BATF: variants seen among roughly 807,000 people sequenced by gnomAD.
BATF encodes the protein basic leucine zipper ATF-like transcription factor, also known as basic leucine zipper transcriptional factor ATF-like.
In BATF, 5 loss-of-function variants were observed where a neutral mutation model predicts 13.7. That is an observed-to-expected ratio of 0.36 (90% CI 0.19 to 0.77). The LOEUF (loss-of-function observed/expected upper bound fraction) is 0.77, where lower values mean the gene tolerates loss of function less well. BATF is among the 30% of genes least tolerant of loss of function. The probability of loss-of-function intolerance (pLI) is 0.51; values close to 1 mark genes in which losing one functional copy is unlikely to be tolerated. For synonymous variants in BATF, 72 were observed against 67.5 expected, an observed-to-expected ratio of 1.07 and a Z score of -0.33; for missense variants, 124 against 163.0, an observed-to-expected ratio of 0.76 and a Z score of 1.30.
intron 2 of BATF, 59 bp from the exon 3 acceptor site, chr14:75,546,403 C>T (rs1473961321): frequency 1.3e-5 from 21 of 1,579,636 alleles, no homozygotes; most frequent in Middle Eastern, 1.7e-4. Flanking sequence ...CCTCCGCACC[C>T]CACCCACCTT....
At position 75,541,143 on chromosome 14, in the gene BATF, A is replaced by T. The variant is rs183602705; in HGVS notation, c.169-5319A>T. Among the ~76,000 whole-genome samples, 754 of 152,250 alleles carry T rather than the reference A, an allele frequency of 5.0e-3. 4 individuals carry two copies. The highest frequency in any genetic ancestry group is 0.015 in the African/African-American group (626 of 41,548). On this transcript the variant is annotated intron_variant, in intron 2 of 2. Transcript: ENST00000286639. ...TAAGTTAACCTAGGCTATTTTTTTA[A>T]AAAAATTTTGGTTTCTATCCACCTT...
At chr14:75,535,876 C>G (rs1887809085) in intron 2 of BATF, among the ~76,000 whole-genome samples, 1 of 152,050 alleles carries the variant, frequency 6.6e-6, no homozygotes, top group African/African-American at 2.4e-5. Flanking sequence ...ACTGAGGACC[C>G]TGTAACTAAA....
At chr14:75,529,954 C>G (rs1417953441) in intron 2 of BATF, among the ~76,000 whole-genome samples, 1 of 150,882 alleles carries the variant, frequency 6.6e-6, no homozygotes, top group Non-Finnish European at 1.5e-5. Flanking sequence ...GTCCCAGCTA[C>G]TTGAGAGGCT....
rs180778150 is a variant in BATF at position 75,525,461 on chromosome 14, G to A, written c.168+273G>A. Among the ~76,000 whole-genome samples, 7 of 151,934 alleles carry A rather than the reference G, an allele frequency of 4.6e-5. No homozygotes were observed. The South Asian group carries it at 6.2e-4, about 14-fold the overall frequency. On this transcript the variant is annotated intron_variant, in intron 2 of 2. Coordinates refer to ENST00000286639, the MANE Select transcript of BATF (RefSeq NM_006399.5). ...GTGGGTCACCTGAGGTCAGGAGTTC[G>A]AGACCAGCCTGGCCAACATGGTGAA...
chr14:75,542,288 C>A (rs140108499), intron 2 of BATF, among the ~76,000 whole-genome samples: 2 of 152,140 alleles, frequency 1.3e-5, no homozygotes, highest in Non-Finnish European at 1.5e-5. Flanking sequence ...CCACACAGAG[C>A]GTTATTGTGA....
At chr14:75,542,235 C>A (rs554743870) in intron 2 of BATF, among the ~76,000 whole-genome samples, 2 of 152,316 alleles carry the variant, frequency 1.3e-5, no homozygotes, top group South Asian at 4.1e-4. Context: ...CTCAGTTGTC[C>A]TCATCTGTAG....
At chr14:75,530,846 C>T (rs1874772354) in intron 2 of BATF, among the ~76,000 whole-genome samples, 1 of 151,938 alleles carries the variant, frequency 6.6e-6, no homozygotes, top group Non-Finnish European at 1.5e-5. Context: ...GAAAAAGTTA[C>T]ATATATGCAT....
chr14:75,531,486 C>T (rs1284939601), intron 2 of BATF, among the ~76,000 whole-genome samples: 3 of 152,142 alleles, frequency 2.0e-5, no homozygotes, highest in African/African-American at 4.8e-5. Context: ...GTGGATGGAG[C>T]TGAAAGCAAG....
intron 2 of BATF, among the ~76,000 whole-genome samples, chr14:75,543,465 C>G (rs1249120371): frequency 6.6e-6 from 1 of 152,152 alleles, no homozygotes; most frequent in Non-Finnish European, 1.5e-5. Context: ...TAGAAAGACC[C>G]CCCCCAGGAT....
chr14:75,536,550 AC>A (rs1490428141), intron 2 of BATF, among the ~76,000 whole-genome samples: 1 of 151,616 alleles, frequency 6.6e-6, no homozygotes, highest in Non-Finnish European at 1.5e-5. Context: ...ACACAGTGAA[AC>A]CCCATCTCTA....
intron 2 of BATF, among the ~76,000 whole-genome samples, chr14:75,529,236 G>A (rs1887697515): frequency 6.6e-6 from 1 of 152,128 alleles, no homozygotes; most frequent in African/African-American, 2.4e-5. Flanking sequence ...AAAACAATGT[G>A]GAAAAGACAG....
At chr14:75,525,335 G>A (rs1470082995) in intron 2 of BATF, 147 bp downstream of exon 2, 18 of 787,962 alleles carry the variant, frequency 2.3e-5, no homozygotes, top group Non-Finnish European at 2.9e-5. Context: ...GTGGGGTGAG[G>A]TAGGGAAGGG....
At chr14:75,523,923 G>A (rs1291209016) in intron 1 of BATF, among the ~76,000 whole-genome samples, 1 of 152,094 alleles carries the variant, frequency 6.6e-6, no homozygotes, top group Non-Finnish European at 1.5e-5. Flanking sequence ...TTCTTAGGAA[G>A]GAAATTACTC....
intron 2 of BATF, among the ~76,000 whole-genome samples, chr14:75,542,017 G>A (rs2140042204): frequency 6.6e-6 from 1 of 152,268 alleles, no homozygotes; most frequent in African/African-American, 2.4e-5. Flanking sequence ...CAGTCTCTCG[G>A]GGGAAGCAGT....
In BATF at chr14:75,530,543, G is replaced by A. The variant is rs1264013836; in HGVS notation, c.168+5355G>A. Reference sequence around the variant, plus strand: ...CCATTCTGTGGAATATTGCAGATATGTTAAAATAATGAGTTACATCTGAAT... The same window carrying A: ...CCATTCTGTGGAATATTGCAGATATATTAAAATAATGAGTTACATCTGAAT... On this transcript the variant is annotated intron_variant, in intron 2 of 2. Coordinates refer to ENST00000286639, the MANE Select transcript of BATF (RefSeq NM_006399.5). 8.5e-5 allele frequency among the ~76,000 whole-genome samples: 13 copies of A among 152,208 alleles called. 1 individual carries two copies. Among genetic ancestry groups the A allele is most frequent in the Admixed American group, 7.9e-4 (12 of 15,282 alleles).
intron 2 of BATF, among the ~76,000 whole-genome samples, chr14:75,545,839 A>G (rs1005253088): frequency 3.3e-5 from 5 of 151,828 alleles, no homozygotes; most frequent in African/African-American, 1.2e-4. Flanking sequence ...CCCCTCTATC[A>G]GGTTGAACCA....
intron 2 of BATF, among the ~76,000 whole-genome samples, chr14:75,535,449 C>T (rs532257238): frequency 4.7e-4 from 72 of 152,154 alleles, no homozygotes; most frequent in Non-Finnish European, 8.7e-4. Context: ...TAAATGAAAA[C>T]AGCTGTATTA....
rs753512133 is a variant in BATF, at chr14:75,546,685, G to C, written c.*14G>C. The stretch of plus-strand genomic sequence containing the variant: ...TTCCAGCCCTGAGCTTCCGATGCGG[G>C]GAGAGCAGAGCCTCGGGAGGGGCAC... On this transcript the variant is annotated 3_prime_UTR_variant, in exon 3 of 3. Transcript: ENST00000286639. 6.4e-7 allele frequency: 1 copy of C among 1,566,994 alleles called. No homozygotes were observed. The highest frequency in any genetic ancestry group is 1.8e-5 in the Admixed American group (1 of 55,652).
rs542559794 is a variant in BATF, at chr14:75,531,760, G to T, written c.168+6572G>T. Among the ~76,000 whole-genome samples, 88 of 152,320 alleles carry T rather than the reference G, an allele frequency of 5.8e-4. 2 individuals carry two copies. The highest frequency in any genetic ancestry group is 2.0e-3 in the African/African-American group (84 of 41,566). On this transcript the variant is annotated intron_variant, in intron 2 of 2. Coordinates refer to ENST00000286639, the MANE Select transcript of BATF (RefSeq NM_006399.5). ...AGAAAAATTGAGTAATGGAGGAAAA[G>T]ATGTTTGGGTAGCACTATTGTTCTT...
Sources: allele counts gnomAD v4.1 joint callset (sites outside exome capture counted in the v4.1 genomes callset), GRCh38; gene constraint gnomAD v4.1.1; transcripts MANE v1.5; gene names NCBI Gene and HGNC (gene_info 2026-07-23, HGNC 2026-07-21).